SLC16A1: variants seen among roughly 807,000 people sequenced by gnomAD.
The protein encoded by SLC16A1 is monocarboxylate transporter 1.
Under a neutral mutation model 32.2 loss-of-function variants are expected in SLC16A1, and 11 were observed. The ratio of observed to expected loss-of-function variants is 0.34; its 90% confidence interval spans 0.21 to 0.56. The LOEUF (loss-of-function observed/expected upper bound fraction) is 0.56, where lower values mean the gene tolerates loss of function less well. Among genes scored for constraint, SLC16A1 ranks in the 20% least tolerant of loss-of-function variants. The pLI is 0.87. For synonymous variants in SLC16A1, 231 were observed against 226.8 expected (o/e 1.02, Z -0.17); for missense variants, 435 against 615.0 (o/e 0.71, Z 3.10).
chr1:112,946,451 A>C (rs753223587), intron 1 of SLC16A1, among the ~76,000 whole-genome samples: 1 of 151,900 alleles, frequency 6.6e-6, no homozygotes, highest in East Asian at 1.9e-4. Flanking sequence ...AAGTAGAGAA[A>C]AATATGAAAC....
Position 112,918,008 on chromosome 1 carries a change from G to A in SLC16A1, c.398C>T (p.Thr133Ile). The A allele has an allele frequency of 6.3e-7, 1 of 1,590,822 alleles. No individual in the cohort carries two copies. The highest frequency in any genetic ancestry group is 8.5e-7 in the Non-Finnish European group (1 of 1,174,662). The change falls in exon 4 of 5, where the codon ACC (threonine) becomes ATC (isoleucine). Residue 133 changes from threonine to isoleucine, a missense_variant. Physicochemically the swap from Thr to Ile is moderately conservative, Grantham distance 89. Around this residue, in one of 2 missense-constraint regions of SLC16A1, gnomAD observed 324 missense variants for 500.3 expected, o/e 0.65. Transcript: ENST00000369626. ...CTTGTAGAAATACTTGCCAATCATGGTCAGAGCTGGATTCAAGTTGAAGGC... is the reference window on the plus strand; with the variant it reads ...CTTGTAGAAATACTTGCCAATCATGATCAGAGCTGGATTCAAGTTGAAGGC... ...GLAFNLNPAL[T>I]MIGKYFYKRR... is the part of the protein sequence containing the mutation.
chr1:112,926,966 C>T (rs1006113136), intron 2 of SLC16A1, among the ~76,000 whole-genome samples: 3 of 149,878 alleles, frequency 2.0e-5, no homozygotes, highest in African/African-American at 7.4e-5. Flanking sequence ...CCCATCTCTA[C>T]TTAACAAAAA....
intron 4 of SLC16A1, among the ~76,000 whole-genome samples, chr1:112,916,124 G>A (rs1648493505): frequency 6.6e-6 from 1 of 151,262 alleles, no homozygotes; most frequent in South Asian, 2.1e-4. Flanking sequence ...CTGGTACACT[G>A]TGAGCTTACA....
Position 112,928,933 on chromosome 1 carries a change from A to G in SLC16A1, c.217+159T>C. The G allele has an allele frequency of 4.7e-6, 3 of 635,082 alleles. No homozygotes were observed. The East Asian group carries it at 8.1e-5, about 17-fold the overall frequency. The allele number at this position is 635,082 out of a possible 1,614,324, so 39.3% of individuals were successfully genotyped here. Reference sequence around the variant, plus strand: ...TACTATAGCAAGAGTTGCTATTGTTATCAGGAATGAAAAATGTGACTCTAA... The same window carrying G: ...TACTATAGCAAGAGTTGCTATTGTTGTCAGGAATGAAAAATGTGACTCTAA... On this transcript the variant is annotated intron_variant, in intron 2 of 4. Coordinates refer to ENST00000369626, the MANE Select transcript of SLC16A1 (RefSeq NM_003051.4).
intron 2 of SLC16A1, chr1:112,923,979 T>C (rs1648835622): frequency 6.8e-7 from 1 of 1,464,738 alleles, no homozygotes; most frequent in South Asian, 1.1e-5. Context: ...CAAGTACAAG[T>C]ATAAGGACAA....
rs374463295 is a variant in SLC16A1, at chr1:112,951,768, T to C, written c.-45+4267A>G. Among the ~76,000 whole-genome samples, 5 of 152,194 alleles carry C rather than the reference T, an allele frequency of 3.3e-5. No individual in the cohort carries two copies. In the South Asian group the frequency reaches 8.3e-4, roughly 25 times the overall value. On this transcript the variant is annotated intron_variant, in intron 1 of 4. Coordinates refer to ENST00000369626, the MANE Select transcript of SLC16A1 (RefSeq NM_003051.4). ...TTAAAATAGTGGCCTTTTAAGAGGA[T>C]ATACCTCAATACATTTAAATACATT...
intron 2 of SLC16A1, chr1:112,924,245 G>C: frequency 6.6e-7 from 1 of 1,510,988 alleles, no homozygotes; most frequent in South Asian, 1.1e-5. Flanking sequence ...AGCAGAACTT[G>C]GCAGCGGCAG....
chr1:112,921,060 G>A (rs1648709383), intron 3 of SLC16A1, among the ~76,000 whole-genome samples: 1 of 150,910 alleles, frequency 6.6e-6, no homozygotes, highest in Non-Finnish European at 1.5e-5. Context: ...AGAATGACGT[G>A]AATCCAGGAG....
Position 112,914,519 on chromosome 1 carries a change from G to A in SLC16A1, c.1229-354C>T, listed in dbSNP as rs1175635603. 2.6e-5 allele frequency among the ~76,000 whole-genome samples: 4 copies of A among 152,188 alleles called. No homozygotes were observed. The East Asian group carries it at 7.7e-4, about 29-fold the overall frequency. ...TGGGAGTCTTGTCCAAGGCCATAGT[G>A]CTGTCCCATTTACCCAGGCCAATGC... On this transcript the variant is annotated intron_variant, in intron 4 of 4. Coordinates refer to ENST00000369626, the MANE Select transcript of SLC16A1 (RefSeq NM_003051.4).
chr1:112,937,219 C>T (rs1419955961), intron 1 of SLC16A1, among the ~76,000 whole-genome samples: 2 of 152,300 alleles, frequency 1.3e-5, no homozygotes, highest in East Asian at 1.9e-4. Flanking sequence ...ACAGCTAATA[C>T]GTGCTGGACG....
In SLC16A1 at chr1:112,917,096, CTAA is replaced by C; in HGVS notation, c.1228+79_1228+81del. 1 of 1,561,828 alleles carries C rather than the reference CTAA, an allele frequency of 6.4e-7. No individual in the cohort carries two copies. The highest frequency in any genetic ancestry group is 8.8e-7 in the Non-Finnish European group (1 of 1,136,544). ...GATTTATTCTTACCCAAATAGCTCACTAATGTTTGCTTTCTGTCAGCATTCCCA... is the reference window on the plus strand; with the variant it reads ...GATTTATTCTTACCCAAATAGCTCACTGTTTGCTTTCTGTCAGCATTCCCA... On this transcript the variant is annotated intron_variant, in intron 4 of 4. Transcript: ENST00000369626. The surrounding 1 kb of genome is among the most constrained non-coding windows in gnomAD (Gnocchi z 4.1).
chr1:112,941,080 T>C (rs1377881083), intron 1 of SLC16A1, among the ~76,000 whole-genome samples: 1 of 152,118 alleles, frequency 6.6e-6, no homozygotes, highest in Non-Finnish European at 1.5e-5. Context: ...AACTACCTAT[T>C]GGGTTCTATG....
At chr1:112,954,428 T>C (rs1239586392) in intron 1 of SLC16A1, among the ~76,000 whole-genome samples, 1 of 152,198 alleles carries the variant, frequency 6.6e-6, no homozygotes, top group Non-Finnish European at 1.5e-5. Context: ...AGCCCCAGTT[T>C]CCTTATGTGT....
chr1:112,944,147 T>G (rs1392984004), intron 1 of SLC16A1, among the ~76,000 whole-genome samples: 3 of 152,192 alleles, frequency 2.0e-5, no homozygotes, highest in African/African-American at 7.2e-5. Flanking sequence ...GAACATGTAT[T>G]ACCTGATAGT....
At chr1:112,923,899 TC>T in intron 2 of SLC16A1, 1 of 1,525,328 alleles carries the variant, frequency 6.6e-7, no homozygotes, top group Middle Eastern at 1.8e-4. Flanking sequence ...ACGGAGCTCT[TC>T]CCCTGCCTCA....
chr1:112,951,840 CAT>C (rs1649906993), intron 1 of SLC16A1, among the ~76,000 whole-genome samples: 1 of 152,072 alleles, frequency 6.6e-6, no homozygotes, highest in Non-Finnish European at 1.5e-5. Context: ...TGTATTAAAA[CAT>C]AAACTTTAAC....
chr1:112,922,149 A>C lies in SLC16A1; in HGVS notation c.218-16T>G, dbSNP rs1459210367. 4 of 1,613,428 alleles carry C rather than the reference A, an allele frequency of 2.5e-6. No homozygotes were observed. The African/African-American group carries it at 5.3e-5, about 22-fold the overall frequency. On this transcript the variant is annotated splice_polypyrimidine_tract_variant and intron_variant, in intron 2 of 4. Transcript: ENST00000369626. The stretch of plus-strand genomic sequence containing the variant: ...CTGATAGGACCTAAAAGACAACCAA[A>C]AATGTAGTAATATAAAGGAAACTGC...
chr1:112,932,590 T>G (rs6675400), intron 1 of SLC16A1, among the ~76,000 whole-genome samples: 5 of 151,336 alleles, frequency 3.3e-5, no homozygotes, highest in Non-Finnish European at 5.9e-5. Flanking sequence ...GATCACAAGG[T>G]AAGGAATCCA....
intron 1 of SLC16A1, among the ~76,000 whole-genome samples, chr1:112,941,196 G>GAATA (rs375190893): frequency 6.7e-6 from 1 of 149,956 alleles, no homozygotes; most frequent in Non-Finnish European, 1.5e-5. Context: ...AATAAAAGTT[G>GAATA]AATAAATAAA....
Sources: allele counts gnomAD v4.1 joint callset (sites outside exome capture counted in the v4.1 genomes callset), GRCh38; gene constraint gnomAD v4.1.1; regional missense constraint gnomAD v4.1.1; non-coding constraint Gnocchi (gnomAD v3.1); transcripts MANE v1.5; gene names NCBI Gene and HGNC (gene_info 2026-07-23, HGNC 2026-07-21).